Variants in ATXN7L1 observed in about 807,000 individuals in gnomAD.
ATXN7L1 encodes ataxin-7-like protein 1.
Under a neutral mutation model 70.8 loss-of-function variants are expected in ATXN7L1, and 15 were observed. The observed-to-expected ratio is 0.21, with a 90% CI of 0.14 to 0.33. The LOEUF (loss-of-function observed/expected upper bound fraction) is 0.33. Among genes scored for constraint, ATXN7L1 ranks in the 10% least tolerant of loss-of-function variants. The pLI is 1.00. For missense variants in ATXN7L1, 975 were observed against 1,097.1 expected (o/e 0.89, Z 1.57); for synonymous variants, 440 against 445.1 (o/e 0.99, Z 0.14).
At chr7:105,832,956 T>C (rs1433358145) in intron 2 of ATXN7L1, among the ~76,000 whole-genome samples, 1 of 152,162 alleles carries the variant, frequency 6.6e-6, no homozygotes, top group East Asian at 1.9e-4. Context: ...CTTCCGTGCT[T>C]CTACCTTTAC....
At position 105,627,781 on chromosome 7, in the gene ATXN7L1, C is replaced by T. The variant is rs947928298; in HGVS notation, c.1203-3514G>A. Among the ~76,000 whole-genome samples the T allele has an allele frequency of 4.0e-5, 6 of 150,860 alleles. No individual in the cohort carries two copies. In the East Asian group the frequency reaches 1.2e-3, roughly 29 times the overall value. ...TCCTGACCTTAGGTGATCTGCCCTC[C>T]TCCACCTTCCAAAGTGGTGGGATTA... is the stretch of plus-strand genomic sequence containing the variant. On this transcript the variant is annotated intron_variant, in intron 7 of 11. Coordinates refer to ENST00000419735, the MANE Select transcript of ATXN7L1 (RefSeq NM_020725.2).
intron 3 of ATXN7L1, among the ~76,000 whole-genome samples, chr7:105,667,615 C>T (rs1317409940): frequency 1.6e-5 from 2 of 127,988 alleles, no homozygotes; most frequent in South Asian, 3.4e-4. Context: ...GGGAGAATGG[C>T]GTGAACCCGG....
chr7:105,614,791 G>GAA lies in ATXN7L1; in HGVS notation c.1542_1543insTT (p.Pro515PhefsTer44), dbSNP rs1793621865. ...ATGTGGGCTGCTGGCGAGGGCAGGG[G>GAA]GCTATCTGCCGCAGGAGGGATCTTC... On this transcript the variant is annotated frameshift_variant, in exon 10 of 12. Coordinates refer to ENST00000419735, the MANE Select transcript of ATXN7L1 (RefSeq NM_020725.2). LOFTEE classifies it high-confidence loss of function. The surrounding 1 kb of genome is among the most constrained non-coding windows in gnomAD (Gnocchi z 4.3). 1 of 1,550,890 alleles carries GAA rather than the reference G, an allele frequency of 6.4e-7. No homozygotes were observed. Among genetic ancestry groups the GAA allele is most frequent in the Non-Finnish European group, 8.7e-7 (1 of 1,146,560 alleles).
intron 3 of ATXN7L1, chr7:105,760,356 T>C: frequency 1.1e-6 from 1 of 916,990 alleles, no homozygotes; most frequent in Non-Finnish European, 1.3e-6. Context: ...CATTATTTTA[T>C]ATATGAGGAA....
chr7:105,827,950 T>C (rs758802221), intron 2 of ATXN7L1, among the ~76,000 whole-genome samples: 2 of 152,246 alleles, frequency 1.3e-5, no homozygotes, highest in Admixed American at 6.5e-5. Flanking sequence ...AATAGTCATA[T>C]GTCAGTTCAG....
At chr7:105,752,510 C>T (rs149338446) in intron 3 of ATXN7L1, among the ~76,000 whole-genome samples, 1 of 152,316 alleles carries the variant, frequency 6.6e-6, no homozygotes, top group East Asian at 1.9e-4. Flanking sequence ...ACAGCCACCA[C>T]ACCACCCTCT....
At chr7:105,631,714 C>A (rs1584409270) in intron 7 of ATXN7L1, among the ~76,000 whole-genome samples, 3 of 152,188 alleles carry the variant, frequency 2.0e-5, no homozygotes. Context: ...TGATCTGCCT[C>A]CCTGGGCCTT....
chr7:105,617,580 T>G (rs1442354308), intron 9 of ATXN7L1, among the ~76,000 whole-genome samples: 4 of 152,184 alleles, frequency 2.6e-5, no homozygotes, highest in Non-Finnish European at 1.5e-5. Flanking sequence ...CAGCTCCCTG[T>G]CCCCAGGAGT....
chr7:105,771,547 A>G (rs1049372930), intron 3 of ATXN7L1, among the ~76,000 whole-genome samples: 3 of 152,282 alleles, frequency 2.0e-5, no homozygotes, highest in Admixed American at 1.3e-4. Context: ...ATGTGCCCCA[A>G]AGCATCTCAG....
chr7:105,647,076 C>T (rs918825926), intron 4 of ATXN7L1, among the ~76,000 whole-genome samples: 4 of 152,162 alleles, frequency 2.6e-5, no homozygotes, highest in African/African-American at 9.7e-5. Context: ...GATATGAACA[C>T]ATGGACAGCT....
intron 3 of ATXN7L1, among the ~76,000 whole-genome samples, chr7:105,769,352 C>T (rs1429641614): frequency 1.3e-5 from 2 of 152,116 alleles, no homozygotes; most frequent in Non-Finnish European, 2.9e-5. Context: ...GTCTACCTCA[C>T]GGTATTCAAA....
At chr7:105,852,850 G>A (rs1815082840) in intron 2 of ATXN7L1, among the ~76,000 whole-genome samples, 2 of 151,958 alleles carry the variant, frequency 1.3e-5, no homozygotes, top group South Asian at 2.1e-4. Flanking sequence ...ATATACATAC[G>A]ATGAGATATT....
intron 2 of ATXN7L1, among the ~76,000 whole-genome samples, chr7:105,867,517 C>T (rs1336667375): frequency 6.6e-6 from 1 of 152,182 alleles, no homozygotes; most frequent in African/African-American, 2.4e-5. Flanking sequence ...TCACCAGTGA[C>T]TGCAGACTGG....
chr7:105,619,420 A>G (rs1213398437), intron 9 of ATXN7L1, among the ~76,000 whole-genome samples: 10 of 139,020 alleles, frequency 7.2e-5, no homozygotes, highest in Non-Finnish European at 1.2e-4. Flanking sequence ...AAGTGCCAGG[A>G]TTATAGGCGT....
chr7:105,833,835 C>T (rs1287646230), intron 2 of ATXN7L1, among the ~76,000 whole-genome samples: 1 of 152,040 alleles, frequency 6.6e-6, no homozygotes, highest in Non-Finnish European at 1.5e-5. Flanking sequence ...GATGATAAAA[C>T]AAATATAATA....
chr7:105,750,283 CTT>C (rs200153235), intron 3 of ATXN7L1, among the ~76,000 whole-genome samples: 3 of 146,076 alleles, frequency 2.1e-5, no homozygotes, highest in Non-Finnish European at 1.5e-5. Context: ...TATAATTGCT[CTT>C]TTTTTTTTTT....
At chr7:105,813,354 TG>T (rs1808714845) in intron 2 of ATXN7L1, among the ~76,000 whole-genome samples, 1 of 151,302 alleles carries the variant, frequency 6.6e-6, no homozygotes. Context: ...TTTTTTTTTT[TG>T]AGACGGAGTT....
intron 3 of ATXN7L1, among the ~76,000 whole-genome samples, chr7:105,667,170 C>G (rs79649309): frequency 0.15 from 22,761 of 152,182 alleles, 2,179 homozygotes; most frequent in Middle Eastern, 0.22. Context: ...CCCTGTGACA[C>G]AGGCAGGAAG....
At chr7:105,812,429 T>A (rs1447181430) in intron 2 of ATXN7L1, among the ~76,000 whole-genome samples, 1 of 152,242 alleles carries the variant, frequency 6.6e-6, no homozygotes. Flanking sequence ...TCTTGAGAGA[T>A]CTAACTCAGA....
Sources: gnomAD v4.1 joint callset for allele counts (sites outside exome capture counted in the v4.1 genomes callset) on GRCh38, gnomAD v4.1.1 for gene constraint, Gnocchi (gnomAD v3.1) non-coding constraint, MANE v1.5 for transcripts, NCBI Gene and HGNC (gene_info 2026-07-23, HGNC 2026-07-21) for gene names.